XKR6: variants seen among roughly 807,000 people sequenced by gnomAD.
XKR6 encodes the protein XK-related protein 6.
XKR6 carries 22 observed loss-of-function variants against 56.7 expected under a neutral mutation model. The ratio of observed to expected loss-of-function variants is 0.39; its 90% CI spans 0.28 to 0.55. The LOEUF (loss-of-function observed/expected upper bound fraction) is 0.55, where lower values mean the gene tolerates loss of function less well. Ranked by LOEUF, XKR6 falls within the 20% of genes least tolerant of loss-of-function variation. The pLI, the probability that XKR6 is intolerant of heterozygous loss-of-function variation, is 0.66. For synonymous variants in XKR6, 524 were observed against 387.8 expected (o/e 1.35, Z -4.13); for missense variants, 852 against 889.0 (o/e 0.96, Z 0.53).
In XKR6 at chr8:10,901,274, T is replaced by C. The variant is rs1020040313; in HGVS notation, c.962-2358A>G. ...TTTCACCATGTTGGCCAGGCTGGTC[T>C]TGAACTCCTGACCTCAAGTGATCTG... On this transcript the variant is annotated intron_variant, in intron 2 of 2. Coordinates refer to ENST00000416569, the MANE Select transcript of XKR6 (RefSeq NM_173683.4). Among the ~76,000 whole-genome samples the C allele has an allele frequency of 4.6e-5, 7 of 152,130 alleles. No individual in the cohort carries two copies. The East Asian group carries it at 1.4e-3, about 29-fold the overall frequency.
At chr8:10,953,814 C>T (rs1420415124) in intron 1 of XKR6, among the ~76,000 whole-genome samples, 2 of 152,228 alleles carry the variant, frequency 1.3e-5, no homozygotes, top group African/African-American at 2.4e-5. Context: ...GCAGCTGCTA[C>T]CTGTTCTTCC....
intron 1 of XKR6, among the ~76,000 whole-genome samples, chr8:11,017,026 G>A (rs1586435439): frequency 6.6e-6 from 1 of 152,330 alleles, no homozygotes; most frequent in Middle Eastern, 3.4e-3. Flanking sequence ...GTAGAGATTT[G>A]CATACATATG....
intron 1 of XKR6, among the ~76,000 whole-genome samples, chr8:11,068,435 A>G (rs1800035675): frequency 6.6e-6 from 1 of 152,108 alleles, no homozygotes; most frequent in Admixed American, 6.5e-5. Flanking sequence ...GATGTTTGGG[A>G]CCCTGACAAT....
chr8:11,061,656 G>A (rs1799838016), intron 1 of XKR6, among the ~76,000 whole-genome samples: 1 of 152,106 alleles, frequency 6.6e-6, no homozygotes, highest in African/African-American at 2.4e-5. Flanking sequence ...GGCCTGGTGG[G>A]AGGGCATGTC....
Position 11,200,247 on chromosome 8 carries a change from C to T in XKR6, c.764+329G>A, listed in dbSNP as rs767169295. 6.6e-6 allele frequency among the ~76,000 whole-genome samples: 1 copy of T among 152,182 alleles called. No individual in the cohort carries two copies. The highest frequency in any genetic ancestry group is 1.5e-5 in the Non-Finnish European group (1 of 68,034). ...GGGGTGCAGCCCAGGGCGCCCGCAG[C>T]TGGTTACCTCGGGAGGCAGGGAAAA... On this transcript the variant is annotated intron_variant, in intron 1 of 2. Transcript: ENST00000416569. The surrounding 1 kb of genome is among the most constrained non-coding windows in gnomAD (Gnocchi z 6.4).
intron 1 of XKR6, among the ~76,000 whole-genome samples, chr8:11,071,258 A>G (rs1800106479): frequency 6.6e-6 from 1 of 152,120 alleles, no homozygotes; most frequent in African/African-American, 2.4e-5. Context: ...ATTTCTTTTC[A>G]GATGAAGTTT....
chr8:11,030,166 T>C (rs1798959053), intron 1 of XKR6, among the ~76,000 whole-genome samples: 1 of 152,174 alleles, frequency 6.6e-6, no homozygotes, highest in Non-Finnish European at 1.5e-5. Flanking sequence ...CCCCTCTCTG[T>C]TGCCTGCCCG....
chr8:10,984,732 C>CTCTCTCTCTATATATATATATATATATA, intron 1 of XKR6, among the ~76,000 whole-genome samples: 19 of 47,446 alleles, frequency 4.0e-4, no homozygotes, highest in Non-Finnish European at 6.3e-4. Flanking sequence ...CTCTCTCTCT[C>CTCTCTCTCTATATATATATATATATATA]TATATATATA....
chr8:10,977,124 G>A (rs575870085), intron 1 of XKR6, among the ~76,000 whole-genome samples: 16 of 152,218 alleles, frequency 1.1e-4, no homozygotes, highest in African/African-American at 2.6e-4. Flanking sequence ...AAGAGACCTC[G>A]TCTCACAGGC....
chr8:10,922,280 C>A (rs1020392611), intron 2 of XKR6, among the ~76,000 whole-genome samples: 3 of 152,230 alleles, frequency 2.0e-5, no homozygotes, highest in Admixed American at 6.5e-5. Context: ...AAAGGTGTCC[C>A]TCTCCAGTGC....
At chr8:11,089,144 A>G (rs879863357) in intron 1 of XKR6, among the ~76,000 whole-genome samples, 3 of 152,198 alleles carry the variant, frequency 2.0e-5, no homozygotes, top group Non-Finnish European at 4.4e-5. Context: ...CTGGAGCATA[A>G]AGCTAGAATG....
intron 1 of XKR6, among the ~76,000 whole-genome samples, chr8:11,130,457 G>A (rs10088853): frequency 0.33 from 50,332 of 151,948 alleles, 9,020 homozygotes; most frequent in Middle Eastern, 0.41. Flanking sequence ...GAACCGGGAC[G>A]TGTGTGTTAC....
At chr8:11,083,583 T>A (rs1313107644) in intron 1 of XKR6, among the ~76,000 whole-genome samples, 2 of 152,172 alleles carry the variant, frequency 1.3e-5, no homozygotes, top group African/African-American at 4.8e-5. Flanking sequence ...GGGTTTCCCC[T>A]TGGGGGGCCT....
intron 1 of XKR6, among the ~76,000 whole-genome samples, chr8:11,090,718 T>C (rs757311083): frequency 1.3e-5 from 2 of 152,186 alleles, no homozygotes; most frequent in African/African-American, 4.8e-5. Context: ...TGCCCACTTT[T>C]ATAAATTGGG....
chr8:10,921,993 T>G (rs1800737384), intron 2 of XKR6, among the ~76,000 whole-genome samples: 1 of 152,210 alleles, frequency 6.6e-6, no homozygotes, highest in Admixed American at 6.5e-5. Context: ...CAAAAGAGGC[T>G]TCATACAGCA....
chr8:10,938,260 C>G (rs1408796008), intron 1 of XKR6, among the ~76,000 whole-genome samples: 1 of 152,164 alleles, frequency 6.6e-6, no homozygotes, highest in African/African-American at 2.4e-5. Flanking sequence ...TGCTTCGGCT[C>G]GCGCACGGTG....
chr8:10,988,921 G>A (rs1482154550), intron 1 of XKR6, among the ~76,000 whole-genome samples: 1 of 152,202 alleles, frequency 6.6e-6, no homozygotes, highest in Admixed American at 6.5e-5. Context: ...AAGTCACAGT[G>A]TCTTAGGCAA....
intron 2 of XKR6, among the ~76,000 whole-genome samples, chr8:10,908,125 C>A (rs4840525): frequency 0.45 from 69,180 of 152,096 alleles, 16,713 homozygotes; most frequent in African/African-American, 0.53. Context: ...TGGCCAGGCA[C>A]GTGAGCAGAA....
At chr8:11,088,283 A>C (rs1797957464) in intron 1 of XKR6, among the ~76,000 whole-genome samples, 1 of 152,238 alleles carries the variant, frequency 6.6e-6, no homozygotes, top group Non-Finnish European at 1.5e-5. Flanking sequence ...CAGAAACCCA[A>C]TCTGACATAA....
Sources: allele counts gnomAD v4.1 joint callset (sites outside exome capture counted in the v4.1 genomes callset), GRCh38; gene constraint gnomAD v4.1.1; non-coding constraint Gnocchi (gnomAD v3.1); transcripts MANE v1.5; gene names NCBI Gene and HGNC (gene_info 2026-07-23, HGNC 2026-07-21).